The following ARHGAP15 variants were observed in gnomAD, a reference collection of about 807,000 sequenced individuals.
The protein encoded by ARHGAP15 is Rho GTPase activating protein 15.
Under a neutral mutation model 63.7 loss-of-function variants are expected in ARHGAP15, and 51 were observed. That is an observed-to-expected ratio of 0.80 (90% confidence interval 0.64 to 1.01). The LOEUF (loss-of-function observed/expected upper bound fraction) is 1.01. Among genes scored for constraint, ARHGAP15 ranks in the 50% least tolerant of loss-of-function variants. The pLI is 0.00. For synonymous variants in ARHGAP15, 191 were observed against 193.8 expected (o/e 0.99, Z 0.12); for missense variants, 560 against 564.6 (o/e 0.99, Z 0.08).
intron 2 of ARHGAP15, chr2:143,193,636 C>G (rs1691761476): frequency 6.6e-6 from 1 of 152,440 alleles, no homozygotes; most frequent in African/African-American, 2.4e-5. Context: ...CCTGTTAATT[C>G]TTGAAAGAAT....
At chr2:143,490,590 T>A (rs181627180) in intron 9 of ARHGAP15, among the ~76,000 whole-genome samples, 11 of 152,236 alleles carry the variant, frequency 7.2e-5, no homozygotes, top group Non-Finnish European at 1.5e-4. Flanking sequence ...AGTCCCTTGA[T>A]GGTGCTGTAT....
At chr2:143,366,043 C>A (rs968682477) in intron 6 of ARHGAP15, among the ~76,000 whole-genome samples, 1 of 152,094 alleles carries the variant, frequency 6.6e-6, no homozygotes, top group African/African-American at 2.4e-5. Context: ...AGTTTTATTA[C>A]CACTAATTTC....
intron 6 of ARHGAP15, among the ~76,000 whole-genome samples, chr2:143,286,739 G>T (rs966829669): frequency 3.3e-5 from 5 of 152,166 alleles, no homozygotes; most frequent in African/African-American, 1.2e-4. Flanking sequence ...TTAAAATACA[G>T]TCATGTGCCA....
intron 9 of ARHGAP15, among the ~76,000 whole-genome samples, chr2:143,495,205 C>A (rs180838716): frequency 1.3e-5 from 2 of 151,932 alleles, no homozygotes; most frequent in Admixed American, 1.3e-4. Context: ...TTATTTTTAT[C>A]TTTCTTTCCT....
intron 9 of ARHGAP15, among the ~76,000 whole-genome samples, chr2:143,496,105 G>T (rs961922417): frequency 6.6e-6 from 1 of 151,984 alleles, no homozygotes; most frequent in Non-Finnish European, 1.5e-5. Flanking sequence ...TCTTTATCTC[G>T]GCCTACAAGC....
chr2:143,521,355 T>C (rs1447998222), intron 10 of ARHGAP15, among the ~76,000 whole-genome samples: 1 of 152,242 alleles, frequency 6.6e-6, no homozygotes, highest in African/African-American at 2.4e-5. Flanking sequence ...ATTATAATTT[T>C]CTATGATCAT....
At chr2:143,361,754 G>C (rs999228335) in intron 6 of ARHGAP15, among the ~76,000 whole-genome samples, 1 of 152,010 alleles carries the variant, frequency 6.6e-6, no homozygotes, top group African/African-American at 2.4e-5. Context: ...TTCTACCATA[G>C]GTTCATAAAC....
At chr2:143,184,234 T>C in intron 2 of ARHGAP15, among the ~76,000 whole-genome samples, 1 of 152,216 alleles carries the variant, frequency 6.6e-6, no homozygotes, top group East Asian at 1.9e-4. Context: ...TAGCATCAAC[T>C]GAAAGTCTTA....
chr2:143,692,208 G>A (rs769756083), intron 12 of ARHGAP15, among the ~76,000 whole-genome samples: 2 of 152,164 alleles, frequency 1.3e-5, no homozygotes, highest in Non-Finnish European at 2.9e-5. Flanking sequence ...ATTGGGGCAG[G>A]GGGGCAGGGA....
At chr2:143,161,781 T>C (rs1227910809) in intron 2 of ARHGAP15, among the ~76,000 whole-genome samples, 1 of 151,868 alleles carries the variant, frequency 6.6e-6, no homozygotes, top group East Asian at 1.9e-4. Flanking sequence ...AAGAAATGAT[T>C]GATTAAGTGT....
At chr2:143,297,066 G>C (rs192486954) in intron 6 of ARHGAP15, among the ~76,000 whole-genome samples, 1 of 151,854 alleles carries the variant, frequency 6.6e-6, no homozygotes, top group Admixed American at 6.6e-5. Flanking sequence ...AAAGAAAAAA[G>C]GTACCCCAGT....
In ARHGAP15 at chr2:143,257,331, A is replaced by C. The variant is rs377159379; in HGVS notation, c.474+6731A>C. On this transcript the variant is annotated intron_variant, in intron 6 of 13. Transcript: ENST00000295095. ...GTACATTTTGGTCCCCAATTAGTGA[A>C]GGGAACCAAAATTTTGTAATTCCAA... Among the ~76,000 whole-genome samples, 95 of 152,290 alleles carry C rather than the reference A, an allele frequency of 6.2e-4. 2 individuals carry two copies. In the South Asian group the frequency reaches 0.016, roughly 26 times the overall value.
At chr2:143,209,462 C>T (rs6714143) in intron 3 of ARHGAP15, among the ~76,000 whole-genome samples, 3,639 of 152,042 alleles carry the variant, frequency 0.024, 154 homozygotes, top group African/African-American at 0.083. Context: ...CTGGCCATGT[C>T]CCTTTCTAGA....
chr2:143,147,033 G>A (rs1355970866), intron 1 of ARHGAP15, among the ~76,000 whole-genome samples: 1 of 152,100 alleles, frequency 6.6e-6, no homozygotes, highest in Non-Finnish European at 1.5e-5. Context: ...CAACCAATGG[G>A]TGATTAGATT....
At chr2:143,214,161 G>A (rs978399485) in intron 3 of ARHGAP15, among the ~76,000 whole-genome samples, 15 of 152,130 alleles carry the variant, frequency 9.9e-5, no homozygotes, top group Non-Finnish European at 1.5e-4. Context: ...AACAATTGGG[G>A]CTATATTTTT....
chr2:143,311,286 C>CTT (rs200487179), intron 6 of ARHGAP15, among the ~76,000 whole-genome samples: 21,862 of 145,760 alleles, frequency 0.15, 2,086 homozygotes, highest in Non-Finnish European at 0.22. Context: ...CTTCCCCTCC[C>CTT]TTTTTTTTTT....
intron 1 of ARHGAP15, among the ~76,000 whole-genome samples, chr2:143,142,772 G>A (rs1689423754): frequency 6.6e-6 from 1 of 152,054 alleles, no homozygotes; most frequent in South Asian, 2.1e-4. Flanking sequence ...AAGTGCACAA[G>A]ATGGGGAAAT....
chr2:143,231,568 G>A (rs569708228), intron 5 of ARHGAP15, among the ~76,000 whole-genome samples: 5 of 152,218 alleles, frequency 3.3e-5, no homozygotes, highest in Admixed American at 1.3e-4. Context: ...TACCCTTACT[G>A]TTTTCACATT....
chr2:143,576,151 T>G (rs1046501860), intron 11 of ARHGAP15, among the ~76,000 whole-genome samples: 18 of 152,186 alleles, frequency 1.2e-4, no homozygotes, highest in Non-Finnish European at 2.6e-4. Flanking sequence ...AAAATACTCA[T>G]GGACTAACCT....
Sources: gnomAD v4.1 joint callset for allele counts (sites outside exome capture counted in the v4.1 genomes callset) on GRCh38, gnomAD v4.1.1 for gene constraint, MANE v1.5 for transcripts, NCBI Gene and HGNC (gene_info 2026-07-23, HGNC 2026-07-21) for gene names.